Variants in CATSPERB observed in about 807,000 individuals in gnomAD.
The protein encoded by CATSPERB is cation channel sperm-associated auxiliary subunit beta.
A neutral mutation model predicts 128.3 loss-of-function variants in CATSPERB; 93 were observed. The observed-to-expected ratio is 0.72, with a 90% CI of 0.61 to 0.86. The LOEUF (loss-of-function observed/expected upper bound fraction) is 0.86. Ranked by LOEUF, CATSPERB falls within the 40% of genes least tolerant of loss-of-function variation. CATSPERB has a pLI of 0.00. For synonymous variants in CATSPERB, 381 were observed against 448.8 expected, an observed-to-expected ratio of 0.85 and a Z score of 1.91; for missense variants, 1,153 against 1,329.5, an observed-to-expected ratio of 0.87 and a Z score of 2.06.
chr14:91,618,811 T>C (rs1286590536), intron 19 of CATSPERB, among the ~76,000 whole-genome samples: 2 of 152,220 alleles, frequency 1.3e-5, no homozygotes, highest in Non-Finnish European at 2.9e-5. Context: ...CTGTTTCCCT[T>C]AAACCAAAGT....
intron 15 of CATSPERB, among the ~76,000 whole-genome samples, chr14:91,655,889 G>A (rs1894778065): frequency 3.3e-5 from 5 of 152,058 alleles, no homozygotes; most frequent in Admixed American, 2.6e-4. Flanking sequence ...TGACCTCAAG[G>A]CATTTAATAA....
intron 17 of CATSPERB, among the ~76,000 whole-genome samples, chr14:91,633,829 TATAG>T (rs1290991052): frequency 3.3e-5 from 5 of 151,342 alleles, no homozygotes; most frequent in African/African-American, 9.7e-5. Context: ...AATATATATA[TATAG>T]AGAGAGAGAG....
At chr14:91,708,325 G>T in intron 5 of CATSPERB, 89 bp from the exon 6 acceptor site, 1 of 768,726 alleles carries the variant, frequency 1.3e-6, no homozygotes, top group Non-Finnish European at 2.2e-6. Context: ...TACCAACAAT[G>T]ATAGCCTTTC....
At position 91,620,946 on chromosome 14, in the gene CATSPERB, C is replaced by A. The variant is rs1894031274; in HGVS notation, c.2260+662G>T. Among the ~76,000 whole-genome samples the A allele has an allele frequency of 3.3e-5, 5 of 152,154 alleles. No homozygotes were observed. In the South Asian group the frequency reaches 8.3e-4, roughly 25 times the overall value. Reference sequence around the variant, plus strand: ...TCAACTGTAGCTGAAATAAATATAACAATACCAAAGTAATTAAAAAGTTTT... The same window carrying A: ...TCAACTGTAGCTGAAATAAATATAAAAATACCAAAGTAATTAAAAAGTTTT... On this transcript the variant is annotated intron_variant, in intron 19 of 26. Coordinates refer to ENST00000256343, the MANE Select transcript of CATSPERB (RefSeq NM_024764.4).
Position 91,674,204 on chromosome 14 carries a change from G to A in CATSPERB, c.950C>T (p.Thr317Ile). 2 of 1,539,984 alleles carry A rather than the reference G, an allele frequency of 1.3e-6. No homozygotes were observed. The highest frequency in any genetic ancestry group is 1.8e-6 in the Non-Finnish European group (2 of 1,122,880). The change falls in exon 12 of 27, where the codon ACC (threonine) becomes ATC (isoleucine). Residue 317 changes from threonine to isoleucine, a missense_variant. Physicochemically the swap from Thr to Ile is moderately conservative, Grantham distance 89. Transcript: ENST00000256343. ...EHFEVDYVTVTFERNRTLSES... is the reference protein window; with the variant it reads ...EHFEVDYVTVIFERNRTLSES... ...ACTTAGGGTTCTGTTTCTCTCAAAG[G>A]TAACTGTAACATAATCAACTGTGAA...
rs975932307 is a variant in CATSPERB, at chr14:91,641,111, A to G, written c.1433-1861T>C. ...TGTTTTTTTCTTGTAAATTTGTTTG[A>G]GTTCATTGTAGATTCTGGATATTAG... On this transcript the variant is annotated intron_variant, in intron 15 of 26. Transcript: ENST00000256343. Among the ~76,000 whole-genome samples the G allele has an allele frequency of 1.4e-4, 19 of 137,202 alleles. No homozygotes were observed. In the East Asian group the frequency reaches 4.2e-3, roughly 30 times the overall value. The allele number at this position is 137,202 out of a possible 152,430, so 90.0% of individuals were successfully genotyped here.
intron 14 of CATSPERB, 139 bp downstream of exon 14, chr14:91,669,675 A>G (rs1468375237): frequency 7.6e-6 from 6 of 787,428 alleles, no homozygotes; most frequent in Non-Finnish European, 1.2e-5. Flanking sequence ...TATACAATAA[A>G]TAGTCAATAA....
At chr14:91,616,979 G>T (rs1893951546) in intron 20 of CATSPERB, among the ~76,000 whole-genome samples, 1 of 151,980 alleles carries the variant, frequency 6.6e-6, no homozygotes, top group Admixed American at 6.6e-5. Flanking sequence ...GCCGACCTCA[G>T]GTGATCCACC....
intron 11 of CATSPERB, 119 bp downstream of exon 11, chr14:91,683,758 C>T (rs555005610): frequency 7.3e-5 from 45 of 619,606 alleles, no homozygotes; most frequent in African/African-American, 7.0e-4. Flanking sequence ...CCTTTTTAAA[C>T]CCTCCCCAGC....
At chr14:91,603,664 G>A (rs1269729682) in intron 22 of CATSPERB, among the ~76,000 whole-genome samples, 1 of 152,188 alleles carries the variant, frequency 6.6e-6, no homozygotes, top group African/African-American at 2.4e-5. Context: ...GATGCCTCAA[G>A]GAACTTACAA....
chr14:91,698,007 G>A (rs569070577), intron 7 of CATSPERB, among the ~76,000 whole-genome samples: 2 of 152,122 alleles, frequency 1.3e-5, no homozygotes, highest in Admixed American at 6.5e-5. Context: ...TCCAATCCAT[G>A]AGCATGGACT....
At chr14:91,673,687 A>G (rs1895139749) in intron 12 of CATSPERB, among the ~76,000 whole-genome samples, 1 of 152,186 alleles carries the variant, frequency 6.6e-6, no homozygotes, top group Non-Finnish European at 1.5e-5. Flanking sequence ...GATCAAGACC[A>G]TCCTGGCCAA....
At chr14:91,675,761 C>A (rs1044826859) in intron 11 of CATSPERB, among the ~76,000 whole-genome samples, 2 of 152,138 alleles carry the variant, frequency 1.3e-5, no homozygotes, top group Non-Finnish European at 2.9e-5. Flanking sequence ...CTAAGCCCCC[C>A]ACTCAATCTA....
chr14:91,613,069 A>C (rs1162932680), intron 20 of CATSPERB, among the ~76,000 whole-genome samples: 1 of 152,202 alleles, frequency 6.6e-6, no homozygotes. Context: ...ATTTTATACA[A>C]TATTAAAAAG....
intron 5 of CATSPERB, among the ~76,000 whole-genome samples, chr14:91,712,324 T>C (rs1895853709): frequency 6.6e-6 from 1 of 152,114 alleles, no homozygotes; most frequent in Non-Finnish European, 1.5e-5. Flanking sequence ...ACCAAACTTC[T>C]AAATAAAGAC....
chr14:91,604,822 A>T, intron 22 of CATSPERB: 1 of 1,549,656 alleles, frequency 6.5e-7, no homozygotes, highest in Non-Finnish European at 8.9e-7. Context: ...AGGCCTTCTG[A>T]GTCACACCAT....
intron 1 of CATSPERB, among the ~76,000 whole-genome samples, chr14:91,730,870 CAG>C (rs1344969064): frequency 2.0e-5 from 3 of 152,054 alleles, no homozygotes; most frequent in East Asian, 1.9e-4. Context: ...ATCACATTAA[CAG>C]GGGAGAACTG....
chr14:91,686,129 A>G (rs1895370983), intron 10 of CATSPERB, among the ~76,000 whole-genome samples: 1 of 152,156 alleles, frequency 6.6e-6, no homozygotes, highest in African/African-American at 2.4e-5. Flanking sequence ...CACCCTATTT[A>G]AAACAGAATA....
Position 91,683,860 on chromosome 14 carries a change from C to A in CATSPERB, c.931+17G>T. Reference sequence around the variant, plus strand: ...GTAAAAGTCTCTTAATACAGTATATCTTTAACCAAAATTTACCTTCAAAGT... The same window carrying A: ...GTAAAAGTCTCTTAATACAGTATATATTTAACCAAAATTTACCTTCAAAGT... On this transcript the variant is annotated intron_variant, in intron 11 of 26. Transcript: ENST00000256343. 2 of 1,567,140 alleles carry A rather than the reference C, an allele frequency of 1.3e-6. No individual in the cohort carries two copies. The highest frequency in any genetic ancestry group is 1.7e-6 in the Non-Finnish European group (2 of 1,146,440).
Sources: allele counts gnomAD v4.1 joint callset (sites outside exome capture counted in the v4.1 genomes callset), GRCh38; gene constraint gnomAD v4.1.1; transcripts MANE v1.5; gene names NCBI Gene and HGNC (gene_info 2026-07-23, HGNC 2026-07-21).